Variants in KMT2D observed in about 807,000 individuals in gnomAD.
The protein encoded by KMT2D is histone-lysine N-methyltransferase 2D.
In KMT2D, 55 loss-of-function variants were observed where a neutral mutation model predicts 512.7. That is an observed-to-expected ratio of 0.11 (90% CI 0.09 to 0.13). The LOEUF (loss-of-function observed/expected upper bound fraction) is 0.13. KMT2D is among the 10% of genes least tolerant of loss of function. The pLI, the probability that KMT2D is intolerant of heterozygous loss-of-function variation, is 1.00. For missense variants in KMT2D, 6,061 were observed against 7,127.9 expected (o/e 0.85, Z 5.39); for synonymous variants, 2,995 against 2,904.0 (o/e 1.03, Z -1.01).
rs1938086379 is a variant in KMT2D at position 49,052,045 on chromosome 12, G to A, written c.1638C>T (p.Ser546=). 15 of 1,613,316 alleles carry A rather than the reference G, an allele frequency of 9.3e-6. No individual in the cohort carries two copies. The highest frequency in any genetic ancestry group is 1.2e-5 in the Non-Finnish European group (14 of 1,179,662). Reference sequence around the variant, plus strand: ...ACAAAGGAGATTCTTCAAATGGTGGGGACAGGGGCGATGCTTCAGGTGGTG... The same window carrying A: ...ACAAAGGAGATTCTTCAAATGGTGGAGACAGGGGCGATGCTTCAGGTGGTG... ...LSPPPEASPL[S]PPFEESPLSP... is the part of the protein sequence containing the mutation. The change falls in exon 11 of 55, where the codon TCC becomes TCT. Residue 546 remains serine (S), a synonymous_variant. Transcript: ENST00000301067.
intron 19 of KMT2D, among the ~76,000 whole-genome samples, 190 bp downstream of exon 19, chr12:49,045,730 A>G (rs936155755): frequency 1.3e-5 from 2 of 152,026 alleles, no homozygotes; most frequent in Non-Finnish European, 2.9e-5. Flanking sequence ...TTGCCCGGGA[A>G]GCTGGAGACC....
In KMT2D at chr12:49,054,066, G is replaced by C. The variant is rs778489743; in HGVS notation, c.585C>G (p.Phe195Leu). 1.9e-6 allele frequency: 3 copies of C among 1,613,954 alleles called. No individual in the cohort carries two copies. The highest frequency in any genetic ancestry group is 2.2e-5 in the East Asian group (1 of 44,880). ...RSPGCPRLYH[F>L]PCATASGSFL... The stretch of plus-strand genomic sequence containing the variant: ...AGGAACCGCTGGCAGTCGCGCAGGG[G>C]AAGTGGTAAAGCCGTGGACATCCAG... The change falls in exon 6 of 55, where the codon TTC becomes TTG. Residue 195 changes from phenylalanine (F) to leucine (L), a missense_variant. By Grantham distance (22) the Phe-to-Leu change is conservative (BLOSUM62 0). Around this residue, in one of 16 missense-constraint regions of KMT2D, gnomAD observed 160 missense variants for 225.8 expected, o/e 0.71. Transcript: ENST00000301067. The surrounding 1 kb of genome is among the most constrained non-coding windows in gnomAD (Gnocchi z 6.4).
At chr12:49,023,219 C>G (rs1942412749) in intron 51 of KMT2D, among the ~76,000 whole-genome samples, 1 of 152,280 alleles carries the variant, frequency 6.6e-6, no homozygotes, top group South Asian at 2.1e-4. Context: ...ATTCTCAAGG[C>G]CATGCTCCTC....
chr12:49,057,549 G>T (rs1472290055), intron 1 of KMT2D, among the ~76,000 whole-genome samples: 1 of 152,210 alleles, frequency 6.6e-6, no homozygotes, highest in Admixed American at 6.5e-5. Context: ...GGCCATGGAA[G>T]ATGAGAGATT....
chr12:49,023,578 C>G (rs895982354), intron 51 of KMT2D, among the ~76,000 whole-genome samples: 3 of 152,128 alleles, frequency 2.0e-5, no homozygotes, highest in African/African-American at 7.2e-5. Flanking sequence ...TTTTATTTAG[C>G]AGAAATCTTT....
chr12:49,042,276 C>T lies in KMT2D; in HGVS notation c.5922G>A (p.Thr1974=), dbSNP rs758125359. 9.6e-6 allele frequency: 15 copies of T among 1,570,004 alleles called. No individual in the cohort carries two copies. The East Asian group carries it at 1.9e-4, about 20-fold the overall frequency. The change falls in exon 29 of 55, where the codon ACG becomes ACA. Residue 1974 remains threonine (T), a synonymous_variant. Coordinates refer to ENST00000301067, the MANE Select transcript of KMT2D (RefSeq NM_003482.4). This position sits in a 1 kb window ranked among gnomAD's most constrained non-coding sequence, Gnocchi z 4.4. The part of the protein sequence containing the change: ...PEPGEPDSPW[T]GSGGTTPSTP... ...TGGAGGGCGTGGTGCCACCTGAGCCCGTCCAGGGGCTGTCGGGCTCACCGG... is the reference window on the plus strand; with the variant it reads ...TGGAGGGCGTGGTGCCACCTGAGCCTGTCCAGGGGCTGTCGGGCTCACCGG...
At position 49,049,225 on chromosome 12, in the gene KMT2D, G is replaced by C. The variant is rs765810171; in HGVS notation, c.3907-7C>G. On this transcript the variant is annotated splice_region_variant and splice_polypyrimidine_tract_variant and intron_variant, in intron 12 of 54. Coordinates refer to ENST00000301067, the MANE Select transcript of KMT2D (RefSeq NM_003482.4). Reference sequence around the variant, plus strand: ...GGAAACTGCTGCTGCGACCCTGAGTGAAAGAAGGGGACAATGACAGGAGCA... The same window carrying C: ...GGAAACTGCTGCTGCGACCCTGAGTCAAAGAAGGGGACAATGACAGGAGCA... The C allele has an allele frequency of 3.8e-6, 6 of 1,560,314 alleles. No homozygotes were observed. Among genetic ancestry groups the C allele is most frequent in the Non-Finnish European group, 4.4e-6 (5 of 1,141,130 alleles).
Position 49,019,302 on chromosome 12 carries a change from T to G in KMT2D, c.*2478A>C. On this transcript the variant is annotated 3_prime_UTR_variant, in exon 55 of 55. Transcript: ENST00000301067. ...TCCTGGAGGTGAGGGGAGAAGACTG[T>G]AAAGGGGAAAACTGAAAACTGAGTA... 3 of 357,424 alleles carry G rather than the reference T, an allele frequency of 8.4e-6. No homozygotes were observed. The highest frequency in any genetic ancestry group is 1.1e-5 in the Non-Finnish European group (3 of 265,740). 22.1% of individuals were successfully genotyped at this position (357,424 alleles called of 1,614,324 possible). A position where few individuals can be genotyped will look rare whatever the true frequency, so the allele number is the denominator to read the frequency against.
rs2120710336 is a variant in KMT2D at position 49,054,525 on chromosome 12, C to T, written c.400+3G>A. 1 of 1,607,852 alleles carries T rather than the reference C, an allele frequency of 6.2e-7. No individual in the cohort carries two copies. Among genetic ancestry groups the T allele is most frequent in the Non-Finnish European group, 8.5e-7 (1 of 1,176,746 alleles). ...CATTTCCTGCCCCATTCTCCTCACT[C>T]ACCTCCAGGTTCTCCTAGGTGGGCA... On this transcript the variant is annotated splice_donor_region_variant and intron_variant, in intron 4 of 54. Transcript: ENST00000301067. The surrounding 1 kb of genome is among the most constrained non-coding windows in gnomAD (Gnocchi z 6.4).
rs2120606133 is a variant in KMT2D, at chr12:49,046,419, A to G, written c.4424T>C (p.Val1475Ala). The G allele has an allele frequency of 6.2e-7, 1 of 1,613,856 alleles. No individual in the cohort carries two copies. Among genetic ancestry groups the G allele is most frequent in the Non-Finnish European group, 8.5e-7 (1 of 1,179,834 alleles). Residue 1475 changes from valine (V) to alanine (A), a missense_variant, in exon 17 of 55, where the codon GTG becomes GCG. By Grantham distance (64) the Val-to-Ala change is moderately conservative. Transcript: ENST00000301067. The surrounding 1 kb of genome is among the most constrained non-coding windows in gnomAD (Gnocchi z 4.2). ...AGCAGCCCCACACTGCATACAGGACACACACCTGATAGGAGCAGGAAAACA... is the reference window on the plus strand; with the variant it reads ...AGCAGCCCCACACTGCATACAGGACGCACACCTGATAGGAGCAGGAAAACA... ...PKGGWKCKWC[V>A]SCMQCGAASP...
rs1350273198 is a variant in KMT2D at position 49,040,365 on chromosome 12, G to T, written c.7405C>A (p.Pro2469Thr). 2.6e-6 allele frequency: 4 copies of T among 1,565,934 alleles called. No individual in the cohort carries two copies. Among genetic ancestry groups the T allele is most frequent in the Non-Finnish European group, 3.5e-6 (4 of 1,155,520 alleles). The change falls in exon 32 of 55, where the codon CCA becomes ACA. Residue 2469 changes from proline (P) to threonine (T), a missense_variant. Pro to Thr is a conservative substitution (Grantham distance 38). Around this residue, in one of 16 missense-constraint regions of KMT2D, gnomAD observed 710 missense variants for 647.3 expected, o/e 1.10. Transcript: ENST00000301067. ...ACTTCAGGGGGCTGGGGTCGGGGTG[G>T]CTTATGCAATGGGGCAAATGGGTCA... ...SRDPFAPLHKPPRPQPPEVAF... is the reference protein window; with the variant it reads ...SRDPFAPLHKTPRPQPPEVAF...
chr12:49,049,799 T>C lies in KMT2D; in HGVS notation c.3789A>G (p.Ser1263=). ...DEGSLRLCTD[S]LPETDDSLLC... is the part of the protein sequence containing the mutation. The stretch of plus-strand genomic sequence containing the variant: ...ATAGTGAGTCATCAGTCTCTGGCAG[T>C]GAGTCAGTACAGAGCCGTAGGGAGC... Residue 1263 remains serine (S), a synonymous_variant, in exon 12 of 55, where the codon TCA becomes TCG. Transcript: ENST00000301067. 5 of 1,613,840 alleles carry C rather than the reference T, an allele frequency of 3.1e-6. No homozygotes were observed. The highest frequency in any genetic ancestry group is 4.2e-6 in the Non-Finnish European group (5 of 1,179,818).
chr12:49,027,963 A>G, intron 47 of KMT2D, 33 bp from the exon 48 acceptor site: 1 of 1,613,376 alleles, frequency 6.2e-7, no homozygotes. Flanking sequence ...GCCTCCCACC[A>G]GAATCACTCC....
At chr12:49,053,343 TAC>T in intron 7 of KMT2D, 22 bp from the exon 8 acceptor site, 1 of 1,606,652 alleles carries the variant, frequency 6.2e-7, no homozygotes, top group Non-Finnish European at 8.5e-7. Flanking sequence ...CATGGAACAT[TAC>T]AGTGTCCTCT....
At chr12:49,049,311 G>T in intron 12 of KMT2D, 93 bp from the exon 13 acceptor site, 1 of 792,486 alleles carries the variant, frequency 1.3e-6, no homozygotes, top group South Asian at 1.8e-5. Context: ...AACGGACAGA[G>T]TAAGACAGGT....
rs769081852 is a variant in KMT2D, at chr12:49,044,534, G to A, written c.4964-12C>T. 1.9e-5 allele frequency: 31 copies of A among 1,613,080 alleles called. No individual in the cohort carries two copies. Among genetic ancestry groups the A allele is most frequent in the East Asian group, 2.2e-5 (1 of 44,890 alleles). On this transcript the variant is annotated splice_polypyrimidine_tract_variant and intron_variant, in intron 20 of 54. Coordinates refer to ENST00000301067, the MANE Select transcript of KMT2D (RefSeq NM_003482.4). The surrounding 1 kb of genome is among the most constrained non-coding windows in gnomAD (Gnocchi z 6.4). ...GTGCTCCACACCACCTGCGTATGGT[G>A]ACAGAAGAGATGGAGGCAAATCAGA...
rs933591954 is a variant in KMT2D, at chr12:49,042,853, G to A, written c.5670C>T (p.Asp1890=). The change falls in exon 27 of 55, where the codon GAC becomes GAT. Residue 1890 remains aspartate, a synonymous_variant. Transcript: ENST00000301067. The surrounding 1 kb of genome is among the most constrained non-coding windows in gnomAD (Gnocchi z 4.4). ...GAACATCCTTGAAGAGCTGCTGCAG[G>A]TCCTTGGATTCCATCTTGGGCAGTT... ...TEELPKMESK[D]LQQLFKDVLG... is the part of the protein sequence containing the mutation. The A allele has an allele frequency of 1.9e-6, 3 of 1,613,920 alleles. No homozygotes were observed. Among genetic ancestry groups the A allele is most frequent in the Non-Finnish European group, 2.5e-6 (3 of 1,179,862 alleles).
rs1317931496 is a variant in KMT2D at position 49,024,703 on chromosome 12, G to A, written c.15927C>T (p.Pro5309=). 6 of 1,613,354 alleles carry A rather than the reference G, an allele frequency of 3.7e-6. No homozygotes were observed. Among genetic ancestry groups the A allele is most frequent in the South Asian group, 2.2e-5 (2 of 90,938 alleles). Residue 5309 remains proline (P), a synonymous_variant, in exon 51 of 55, where the codon CCC becomes CCT. Transcript: ENST00000301067. This position sits in a 1 kb window ranked among gnomAD's most constrained non-coding sequence, Gnocchi z 4.5. ...HAVLRIAESL[P]GVESCQNYLF... is the part of the protein sequence containing the mutation. Reference sequence around the variant, plus strand: ...AATAGTTTTGACAGCTCTCCACCCCGGGCAGCTGTGGGCACAGTTCATACT... The same window carrying A: ...AATAGTTTTGACAGCTCTCCACCCCAGGCAGCTGTGGGCACAGTTCATACT...
At position 49,042,258 on chromosome 12, in the gene KMT2D, C is replaced by T. The variant is rs529189972; in HGVS notation, c.5940G>A (p.Thr1980=). 21 of 1,581,312 alleles carry T rather than the reference C, an allele frequency of 1.3e-5. No individual in the cohort carries two copies. In the East Asian group the frequency reaches 3.0e-4, roughly 23 times the overall value. Residue 1980 remains threonine (T), a synonymous_variant, in exon 29 of 55, where the codon ACG becomes ACA. Coordinates refer to ENST00000301067, the MANE Select transcript of KMT2D (RefSeq NM_003482.4). The surrounding 1 kb of genome is among the most constrained non-coding windows in gnomAD (Gnocchi z 4.4). The part of the protein sequence containing the change: ...DSPWTGSGGT[T]PSTPTTPTTE... ...TGGTGGGGGTTGTGGGGGTGGAGGG[C>T]GTGGTGCCACCTGAGCCCGTCCAGG... is the stretch of plus-strand genomic sequence containing the variant.
Sources: allele counts gnomAD v4.1 joint callset (sites outside exome capture counted in the v4.1 genomes callset), GRCh38; gene constraint gnomAD v4.1.1; regional missense constraint gnomAD v4.1.1; non-coding constraint Gnocchi (gnomAD v3.1); transcripts MANE v1.5; gene names NCBI Gene and HGNC (gene_info 2026-07-23, HGNC 2026-07-21).